LRRK1: variants seen among roughly 807,000 people sequenced by gnomAD.
LRRK1 encodes leucine-rich repeat serine/threonine-protein kinase 1.
Under a neutral mutation model 209.1 loss-of-function variants are expected in LRRK1, and 113 were observed. The ratio of observed to expected loss-of-function variants is 0.54; its 90% CI spans 0.46 to 0.63. The LOEUF is 0.63. Among genes scored for constraint, LRRK1 ranks in the 30% least tolerant of loss-of-function variants. The pLI is 0.00. For missense variants in LRRK1, 2,284 were observed against 2,632.2 expected, an observed-to-expected ratio of 0.87 and a Z score of 2.89; for synonymous variants, 1,144 against 1,099.7, an observed-to-expected ratio of 1.04 and a Z score of -0.80.
intron 2 of LRRK1, among the ~76,000 whole-genome samples, chr15:100,929,119 G>C (rs778230085): frequency 1.3e-5 from 2 of 152,208 alleles, no homozygotes; most frequent in African/African-American, 2.4e-5. Flanking sequence ...ACCAGCCAGA[G>C]TGGAAAAACC....
At chr15:100,974,403 T>G (rs2031169989) in intron 3 of LRRK1, among the ~76,000 whole-genome samples, 1 of 151,358 alleles carries the variant, frequency 6.6e-6, no homozygotes, top group Non-Finnish European at 1.5e-5. Context: ...TTTTGCTGTA[T>G]TTTCTTCCAG....
At chr15:100,930,659 G>A (rs2141597504) in intron 2 of LRRK1, among the ~76,000 whole-genome samples, 1 of 152,340 alleles carries the variant, frequency 6.6e-6, no homozygotes, top group Admixed American at 6.5e-5. Context: ...CACCAAGAGA[G>A]AAGATTTTCT....
chr15:101,048,713 C>T (rs1281719833), intron 22 of LRRK1, 56 bp downstream of exon 22: 12 of 1,415,636 alleles, frequency 8.5e-6, no homozygotes, highest in Middle Eastern at 1.9e-4. Flanking sequence ...GCAGCCACCG[C>T]GGGGCCACGT....
intron 4 of LRRK1, among the ~76,000 whole-genome samples, chr15:100,986,403 GGT>G (rs2031873526): frequency 6.6e-6 from 1 of 152,192 alleles, no homozygotes; most frequent in Admixed American, 6.5e-5. Flanking sequence ...GGTTTTGTGT[GGT>G]TAAGAGAGCA....
intron 30 of LRRK1, among the ~76,000 whole-genome samples, chr15:101,061,511 G>T (rs996809828): frequency 6.6e-6 from 1 of 152,240 alleles, no homozygotes; most frequent in Non-Finnish European, 1.5e-5. Flanking sequence ...GCTGGAGGCC[G>T]GGATTTGCGA....
intron 2 of LRRK1, among the ~76,000 whole-genome samples, chr15:100,925,929 G>C (rs8025725): frequency 0.047 from 7,102 of 152,220 alleles, 457 homozygotes; most frequent in African/African-American, 0.15. Context: ...AGGGTCAACA[G>C]GTTGGGTCTG....
chr15:101,008,142 C>CAAAAAAAA (rs796213769), intron 6 of LRRK1, among the ~76,000 whole-genome samples: 2 of 74,156 alleles, frequency 2.7e-5, no homozygotes, highest in Non-Finnish European at 4.8e-5. Context: ...GACTCCATCT[C>CAAAAAAAA]AAAAAAAAAA....
intron 2 of LRRK1, among the ~76,000 whole-genome samples, chr15:100,973,319 G>C (rs2031057138): frequency 6.6e-6 from 1 of 152,238 alleles, no homozygotes; most frequent in Admixed American, 6.5e-5. Flanking sequence ...CTGGAGTGAG[G>C]GCGGCTGATT....
chr15:100,971,344 A>AAAAG (rs1159286361), intron 2 of LRRK1, among the ~76,000 whole-genome samples: 1 of 148,848 alleles, frequency 6.7e-6, no homozygotes, highest in African/African-American at 2.6e-5. Context: ...AAAAAAAAAA[A>AAAAG]AAAAGAAAAG....
At position 101,027,572 on chromosome 15, in the gene LRRK1, A is replaced by ATT. The variant is rs2034093575; in HGVS notation, c.2527-65_2527-64insTT. 6.4e-7 allele frequency: 1 copy of ATT among 1,574,044 alleles called. No homozygotes were observed. Among genetic ancestry groups the ATT allele is most frequent in the African/African-American group, 1.3e-5 (1 of 74,216 alleles). On this transcript the variant is annotated intron_variant, in intron 18 of 33. Coordinates refer to ENST00000388948, the MANE Select transcript of LRRK1 (RefSeq NM_024652.6). This position sits in a 1 kb window ranked among gnomAD's most constrained non-coding sequence, Gnocchi z 5.1. Reference sequence around the variant, plus strand: ...CCTCAGGCCACAGGGGCCGGGCAGGATCTGCCCAAGCTGGCAGGTGTGCCT... The same window carrying ATT: ...CCTCAGGCCACAGGGGCCGGGCAGGATTTCTGCCCAAGCTGGCAGGTGTGCCT...
intron 20 of LRRK1, among the ~76,000 whole-genome samples, chr15:101,040,947 C>T (rs867440790): frequency 3.9e-5 from 6 of 152,118 alleles, no homozygotes; most frequent in South Asian, 4.1e-4. Flanking sequence ...TCAAATCTTC[C>T]GTATTCTCAC....
Position 101,009,083 on chromosome 15 carries a change from C to T in LRRK1, c.989+20C>T. ...TTCCAGGTGGCTCCCCGGGGTGTGACCGGAGCCGTGTGTGACCCCGCTGTC... is the reference window on the plus strand; with the variant it reads ...TTCCAGGTGGCTCCCCGGGGTGTGATCGGAGCCGTGTGTGACCCCGCTGTC... On this transcript the variant is annotated intron_variant, in intron 7 of 33. Coordinates refer to ENST00000388948, the MANE Select transcript of LRRK1 (RefSeq NM_024652.6). 4 of 1,579,796 alleles carry T rather than the reference C, an allele frequency of 2.5e-6. No individual in the cohort carries two copies. Among genetic ancestry groups the T allele is most frequent in the Non-Finnish European group, 3.5e-6 (4 of 1,150,194 alleles).
chr15:101,026,540 C>G (rs1169664883), intron 17 of LRRK1, among the ~76,000 whole-genome samples: 3 of 152,204 alleles, frequency 2.0e-5, no homozygotes, highest in Admixed American at 6.5e-5. Flanking sequence ...TGATAGCAGC[C>G]TTTGAGTCAC....
At position 100,919,441 on chromosome 15, in the gene LRRK1, C is replaced by G. The variant is rs1888804042; in HGVS notation, c.-133C>G. The G allele has an allele frequency of 6.7e-6, 1 of 148,868 alleles. No homozygotes were observed. The highest frequency in any genetic ancestry group is 6.7e-5 in the Admixed American group (1 of 14,884). 9.2% of individuals were successfully genotyped at this position (148,868 alleles called of 1,614,324 possible). A position where few individuals can be genotyped will look rare whatever the true frequency, so the allele number is the denominator to read the frequency against. On this transcript the variant is annotated 5_prime_UTR_variant, in exon 1 of 34. Coordinates refer to ENST00000388948, the MANE Select transcript of LRRK1 (RefSeq NM_024652.6). This position sits in a 1 kb window ranked among gnomAD's most constrained non-coding sequence, Gnocchi z 5.8. ...CCGGAGCGCCCGCACCCGGCCCCGCCGCCGCCTCAGGTAAGCGCCGCTCCT... is the reference window on the plus strand; with the variant it reads ...CCGGAGCGCCCGCACCCGGCCCCGCGGCCGCCTCAGGTAAGCGCCGCTCCT...
chr15:101,004,627 A>T (rs1474142123), intron 6 of LRRK1, among the ~76,000 whole-genome samples: 2 of 152,142 alleles, frequency 1.3e-5, no homozygotes, highest in Admixed American at 6.5e-5. Flanking sequence ...ATCAGTGGAG[A>T]GGTTAATACA....
At chr15:101,035,782 T>C in intron 20 of LRRK1, among the ~76,000 whole-genome samples, 1 of 152,202 alleles carries the variant, frequency 6.6e-6, no homozygotes, top group East Asian at 1.9e-4. Flanking sequence ...TCTGTGGTGG[T>C]ACCATTTGAG....
intron 2 of LRRK1, among the ~76,000 whole-genome samples, chr15:100,948,859 G>A (rs1430441183): frequency 6.6e-6 from 1 of 152,038 alleles, no homozygotes; most frequent in Non-Finnish European, 1.5e-5. Flanking sequence ...AACACTTAAG[G>A]GATACAGCTA....
chr15:100,971,013 C>A (rs930827300), intron 2 of LRRK1, among the ~76,000 whole-genome samples: 1 of 151,970 alleles, frequency 6.6e-6, no homozygotes, highest in Admixed American at 6.6e-5. Flanking sequence ...TGTTTGTGAG[C>A]CAACCGTGCT....
intron 6 of LRRK1, among the ~76,000 whole-genome samples, chr15:101,005,632 G>A (rs1039466290): frequency 7.9e-5 from 12 of 152,152 alleles, no homozygotes; most frequent in African/African-American, 2.9e-4. Context: ...ATCAAGGCCT[G>A]GGCTTAGAAA....
Sources: gnomAD v4.1 joint callset for allele counts (sites outside exome capture counted in the v4.1 genomes callset) on GRCh38, gnomAD v4.1.1 for gene constraint, Gnocchi (gnomAD v3.1) non-coding constraint, MANE v1.5 for transcripts, NCBI Gene and HGNC (gene_info 2026-07-23, HGNC 2026-07-21) for gene names.